The following EPHA3 variants were observed in gnomAD, a reference collection of about 807,000 sequenced individuals.
EPHA3 encodes ephrin type-A receptor 3.
In EPHA3, 42 loss-of-function variants were observed where a neutral mutation model predicts 107.1. The ratio of observed to expected loss-of-function variants is 0.39; its 90% CI spans 0.31 to 0.51. The LOEUF is 0.51. EPHA3 is among the 20% of genes least tolerant of loss of function. The probability of loss-of-function intolerance (pLI) is 0.78; values close to 1 mark genes in which losing one functional copy is unlikely to be tolerated. For missense variants in EPHA3, 1,183 were observed against 1,211.2 expected, an observed-to-expected ratio of 0.98 and a Z score of 0.35; for synonymous variants, 461 against 424.8, an observed-to-expected ratio of 1.09 and a Z score of -1.05.
chr3:89,277,254 T>C (rs1419943823), intron 3 of EPHA3, among the ~76,000 whole-genome samples: 1 of 152,166 alleles, frequency 6.6e-6, no homozygotes, highest in Admixed American at 6.6e-5. Flanking sequence ...TAATTCTGAA[T>C]TTTAAAGTGG....
At chr3:89,133,094 G>C (rs933783419) in intron 2 of EPHA3, among the ~76,000 whole-genome samples, 7 of 152,100 alleles carry the variant, frequency 4.6e-5, no homozygotes, top group Admixed American at 6.5e-5. Flanking sequence ...AAGCTTTGAG[G>C]TTCTCCCATT....
intron 2 of EPHA3, among the ~76,000 whole-genome samples, chr3:89,203,220 G>C (rs1260777288): frequency 1.3e-5 from 2 of 150,962 alleles, no homozygotes. Flanking sequence ...TAGAATGTTA[G>C]AATCACCTAG....
At chr3:89,234,319 T>A (rs1043097444) in intron 3 of EPHA3, among the ~76,000 whole-genome samples, 6 of 152,192 alleles carry the variant, frequency 3.9e-5, no homozygotes, top group Non-Finnish European at 5.9e-5. Flanking sequence ...TGTTACTCAT[T>A]TTCCATGTGA....
chr3:89,343,553 G>A (rs911750327), intron 5 of EPHA3, among the ~76,000 whole-genome samples: 2 of 152,052 alleles, frequency 1.3e-5, no homozygotes, highest in Non-Finnish European at 2.9e-5. Context: ...TTTCTTGAGG[G>A]GCCCCTGTCT....
intron 2 of EPHA3, among the ~76,000 whole-genome samples, chr3:89,131,659 G>C (rs1704210127): frequency 6.6e-6 from 1 of 152,194 alleles, no homozygotes; most frequent in South Asian, 2.1e-4. Context: ...TAAGAAGAGA[G>C]TGAGGACTGG....
At chr3:89,310,089 A>C (rs1360090157) in intron 3 of EPHA3, among the ~76,000 whole-genome samples, 1 of 152,088 alleles carries the variant, frequency 6.6e-6, no homozygotes, top group East Asian at 1.9e-4. Flanking sequence ...TATAGAAAAC[A>C]GTACAATTGT....
chr3:89,141,624 A>G (rs756019508), intron 2 of EPHA3, among the ~76,000 whole-genome samples: 14 of 151,762 alleles, frequency 9.2e-5, no homozygotes, highest in Admixed American at 5.9e-4. Context: ...CCAATGTCCT[A>G]CATTAATACT....
intron 3 of EPHA3, among the ~76,000 whole-genome samples, chr3:89,312,781 T>A (rs1197835932): frequency 6.6e-6 from 1 of 151,990 alleles, no homozygotes; most frequent in African/African-American, 2.4e-5. Context: ...TTCCTCACCA[T>A]GTGTCCATAC....
intron 3 of EPHA3, among the ~76,000 whole-genome samples, chr3:89,284,323 G>A (rs1250459812): frequency 6.6e-6 from 1 of 151,928 alleles, no homozygotes; most frequent in Non-Finnish European, 1.5e-5. Context: ...GGAAGCTATT[G>A]AAAAAAATAA....
rs1194741028 is a variant in EPHA3 at position 89,107,799 on chromosome 3, C to G, written c.51C>G (p.Asp17Glu). ...ILLLLSCSVL[D>E]SFGELIPQPS... ...TCCTTCTCAGCTGCTCTGTTCTCGA[C>G]AGCTTCGGGGAACTGATTCCGCAGC... Residue 17 changes from aspartate (D) to glutamate (E), a missense_variant, in exon 1 of 17, where the codon GAC becomes GAG. Coordinates refer to ENST00000336596, the MANE Select transcript of EPHA3 (RefSeq NM_005233.6). 6.2e-7 allele frequency: 1 copy of G among 1,614,104 alleles called. No homozygotes were observed. The highest frequency in any genetic ancestry group is 8.5e-7 in the Non-Finnish European group (1 of 1,180,054).
At chr3:89,329,252 C>T (rs906085996) in intron 3 of EPHA3, among the ~76,000 whole-genome samples, 3 of 152,028 alleles carry the variant, frequency 2.0e-5, no homozygotes, top group Non-Finnish European at 4.4e-5. Context: ...AATTCTCTCT[C>T]CTCCTTCTCC....
intron 15 of EPHA3, among the ~76,000 whole-genome samples, chr3:89,460,907 T>C (rs1238701785): frequency 7.8e-6 from 1 of 127,530 alleles, no homozygotes; most frequent in African/African-American, 3.0e-5. Context: ...ACATGTGCCA[T>C]GCTGGTGCGC....
At chr3:89,340,218 A>T (rs1707486677) in intron 3 of EPHA3, among the ~76,000 whole-genome samples, 1 of 152,220 alleles carries the variant, frequency 6.6e-6, no homozygotes, top group South Asian at 2.1e-4. Context: ...TTAAAAAGAT[A>T]ACACAGTTAT....
At chr3:89,243,204 G>A (rs528374323) in intron 3 of EPHA3, among the ~76,000 whole-genome samples, 101 of 152,048 alleles carry the variant, frequency 6.6e-4, no homozygotes, top group East Asian at 1.2e-3. Flanking sequence ...GAATAGTGCC[G>A]CGATAAACAT....
Position 89,397,942 on chromosome 3 carries a change from C to T in EPHA3, c.1432-1376C>T, listed in dbSNP as rs1412171510. On this transcript the variant is annotated intron_variant, in intron 6 of 16. Coordinates refer to ENST00000336596, the MANE Select transcript of EPHA3 (RefSeq NM_005233.6). ...AAATGGTCAAATCTATTGATTATTC[C>T]CTAAGTATTTTTTGATACATACATA... Among the ~76,000 whole-genome samples the T allele has an allele frequency of 2.6e-5, 4 of 152,060 alleles. No individual in the cohort carries two copies. The East Asian group carries it at 7.7e-4, about 29-fold the overall frequency.
At chr3:89,269,618 T>G (rs534528921) in intron 3 of EPHA3, among the ~76,000 whole-genome samples, 7 of 151,488 alleles carry the variant, frequency 4.6e-5, no homozygotes, top group Non-Finnish European at 7.4e-5. Context: ...TTTTTTTTTT[T>G]TATACTTTAA....
intron 2 of EPHA3, among the ~76,000 whole-genome samples, chr3:89,154,244 C>T (rs1704747745): frequency 6.6e-6 from 1 of 150,918 alleles, no homozygotes; most frequent in South Asian, 2.1e-4. Flanking sequence ...AAGTTTTGGG[C>T]TTCCTTGTTT....
intron 2 of EPHA3, among the ~76,000 whole-genome samples, chr3:89,179,624 G>C (rs9832319): frequency 0.23 from 34,399 of 150,056 alleles, 4,047 homozygotes; most frequent in Middle Eastern, 0.33. Flanking sequence ...TGAGCCCAAT[G>C]CTAAGTGTTA....
intron 3 of EPHA3, among the ~76,000 whole-genome samples, chr3:89,272,309 A>G (rs1340415496): frequency 6.6e-6 from 1 of 151,906 alleles, no homozygotes; most frequent in East Asian, 1.9e-4. Context: ...ATCCTTAAAA[A>G]TGAAAATAAA....
Sources: gnomAD v4.1 joint callset for allele counts (sites outside exome capture counted in the v4.1 genomes callset) on GRCh38, gnomAD v4.1.1 for gene constraint, MANE v1.5 for transcripts, NCBI Gene and HGNC (gene_info 2026-07-23, HGNC 2026-07-21) for gene names.